The following PCYT1B variants were observed in gnomAD, a reference collection of about 807,000 sequenced individuals.
The protein encoded by PCYT1B is choline-phosphate cytidylyltransferase B.
A neutral mutation model predicts 26.4 loss-of-function variants in PCYT1B; 10 were observed. That is an observed-to-expected ratio of 0.38 (90% CI 0.23 to 0.64). The LOEUF is 0.64. Ranked by LOEUF, PCYT1B falls within the 30% of genes least tolerant of loss-of-function variation. The probability of loss-of-function intolerance (pLI) is 0.56; values close to 1 mark genes in which losing one functional copy is unlikely to be tolerated. For synonymous variants in PCYT1B, 131 were observed against 108.4 expected (o/e 1.21, Z -1.29); for missense variants, 161 against 292.7 (o/e 0.55, Z 3.28).
At position 24,663,436 on chromosome X, in the gene PCYT1B, A is replaced by G. The variant is rs1419212217; in HGVS notation, c.63+9134T>C. Among the ~76,000 whole-genome samples, 4 of 112,610 alleles carry G rather than the reference A, an allele frequency of 3.6e-5. No homozygotes were observed. In the East Asian group the frequency reaches 1.1e-3, roughly 31 times the overall value. ...TCAAGTGTTTGGCTGAATGCCTTAAATAAATACCTTTATTAGACCATCTTC... is the reference window on the plus strand; with the variant it reads ...TCAAGTGTTTGGCTGAATGCCTTAAGTAAATACCTTTATTAGACCATCTTC... On this transcript the variant is annotated intron_variant, in intron 1 of 7. Transcript: ENST00000379145.
intron 3 of PCYT1B, among the ~76,000 whole-genome samples, chrX:24,595,034 G>A (rs192346602): frequency 1.7e-3 from 187 of 110,829 alleles, no homozygotes; most frequent in African/African-American, 5.5e-3. Context: ...GCTGAATAAT[G>A]TTAGCCATTT....
intron 1 of PCYT1B, among the ~76,000 whole-genome samples, chrX:24,637,491 A>AAAAAAAAAATATATAT: frequency 3.8e-5 from 2 of 52,894 alleles, no homozygotes; most frequent in African/African-American, 2.9e-4. Context: ...AAAAAAAAAA[A>AAAAAAAAAATATATAT]ATATATATAT....
intron 5 of PCYT1B, among the ~76,000 whole-genome samples, chrX:24,586,354 A>G (rs2148231320): frequency 8.9e-6 from 1 of 112,742 alleles, no homozygotes; most frequent in South Asian, 3.7e-4. Flanking sequence ...GCCAAGAAGG[A>G]GATAGGAGCC....
intron 3 of PCYT1B, among the ~76,000 whole-genome samples, chrX:24,593,932 G>A (rs774849988): frequency 9.0e-6 from 1 of 111,243 alleles, no homozygotes; most frequent in East Asian, 2.8e-4. Context: ...CATACTTCCT[G>A]AGATGTTTTC....
chrX:24,632,330 A>G (rs1488270275), intron 1 of PCYT1B: 1 of 140,115 alleles, frequency 7.1e-6, no homozygotes, highest in Admixed American at 6.7e-5. Flanking sequence ...GATGGCAAGA[A>G]TCACAAGCAT....
chrX:24,628,611 A>T (rs1925951054), intron 1 of PCYT1B, among the ~76,000 whole-genome samples: 1 of 111,130 alleles, frequency 9.0e-6, no homozygotes, highest in South Asian at 3.8e-4. Context: ...GCTTTCTGGT[A>T]TGACATATAT....
intron 1 of PCYT1B, among the ~76,000 whole-genome samples, chrX:24,637,491 A>AATATATATATATATAT (rs1555963533): frequency 1.9e-5 from 1 of 52,882 alleles, no homozygotes; most frequent in African/African-American, 1.5e-4. Context: ...AAAAAAAAAA[A>AATATATATATATATAT]ATATATATAT....
intron 7 of PCYT1B, among the ~76,000 whole-genome samples, chrX:24,568,498 C>T (rs1414802487): frequency 9.0e-6 from 1 of 111,276 alleles, no homozygotes; most frequent in African/African-American, 3.3e-5. Context: ...GTTGCAGTGA[C>T]CCATGATTGT....
At chrX:24,637,649 C>A (rs1686808264) in intron 1 of PCYT1B, among the ~76,000 whole-genome samples, 1 of 104,099 alleles carries the variant, frequency 9.6e-6, no homozygotes, top group Non-Finnish European at 1.9e-5. Context: ...GGTGACAGAG[C>A]AAGACTTCAT....
At chrX:24,603,105 G>A (rs1602173151) in intron 3 of PCYT1B, among the ~76,000 whole-genome samples, 1 of 112,411 alleles carries the variant, frequency 8.9e-6, no homozygotes, top group Admixed American at 9.5e-5. Context: ...CACCCGGCCT[G>A]ATATATAAAT....
chrX:24,578,256 C>T (rs977238023), intron 6 of PCYT1B, among the ~76,000 whole-genome samples: 5 of 109,705 alleles, frequency 4.6e-5, no homozygotes, highest in Non-Finnish European at 9.5e-5. Context: ...CCAAACACCG[C>T]GTGTTCTCAC....
At chrX:24,612,246 A>C (rs1426288340) in intron 2 of PCYT1B, among the ~76,000 whole-genome samples, 1 of 112,643 alleles carries the variant, frequency 8.9e-6, no homozygotes, top group Non-Finnish European at 1.9e-5. Context: ...AGCAGATCTA[A>C]CAACAGTTAA....
At chrX:24,608,734 A>C (rs1445416040) in intron 2 of PCYT1B, among the ~76,000 whole-genome samples, 1 of 111,782 alleles carries the variant, frequency 8.9e-6, no homozygotes, top group Non-Finnish European at 1.9e-5. Context: ...GGATAACACT[A>C]TTGCTCAGCC....
chrX:24,577,029 C>T (rs1211772677), intron 6 of PCYT1B, among the ~76,000 whole-genome samples: 1 of 111,900 alleles, frequency 8.9e-6, no homozygotes, highest in Non-Finnish European at 1.9e-5. Flanking sequence ...CTCAGGGCAG[C>T]ACAGAATAGC....
intron 2 of PCYT1B, among the ~76,000 whole-genome samples, chrX:24,617,452 A>ATTT (rs35284868): frequency 0.035 from 2,912 of 82,713 alleles, 69 homozygotes; most frequent in Non-Finnish European, 0.052. Context: ...TATTATTATT[A>ATTT]TTTTTTTTTT....
At chrX:24,565,136 GCTGC>G (rs1923580838) in intron 7 of PCYT1B, among the ~76,000 whole-genome samples, 1 of 110,292 alleles carries the variant, frequency 9.1e-6, no homozygotes, top group Non-Finnish European at 1.9e-5. Flanking sequence ...TACTGTGCCT[GCTGC>G]CTGCTGCTCA....
At chrX:24,623,531 A>G (rs1313941270) in intron 1 of PCYT1B, among the ~76,000 whole-genome samples, 1 of 109,494 alleles carries the variant, frequency 9.1e-6, no homozygotes, top group Admixed American at 9.9e-5. Context: ...ACAGACTTGG[A>G]GCTAGGTTGC....
intron 1 of PCYT1B, among the ~76,000 whole-genome samples, chrX:24,642,926 T>C (rs1215730297): frequency 8.9e-6 from 1 of 111,958 alleles, no homozygotes; most frequent in Non-Finnish European, 1.9e-5. Flanking sequence ...TTGGCACTGC[T>C]CCACTTTGAA....
intron 1 of PCYT1B, among the ~76,000 whole-genome samples, chrX:24,654,480 G>C (rs1426779457): frequency 3.9e-5 from 4 of 101,779 alleles, no homozygotes; most frequent in Non-Finnish European, 4.0e-5. Flanking sequence ...GCGGGGTGGC[G>C]TGACTCACAC....
Sources: allele counts gnomAD v4.1 joint callset (sites outside exome capture counted in the v4.1 genomes callset), GRCh38; gene constraint gnomAD v4.1.1; transcripts MANE v1.5; gene names NCBI Gene and HGNC (gene_info 2026-07-23, HGNC 2026-07-21).